RUNX1: variants seen among roughly 807,000 people sequenced by gnomAD.
The protein encoded by RUNX1 is runt-related transcription factor 1.
RUNX1 carries 19 observed loss-of-function variants against 42.8 expected under a neutral mutation model. The ratio of observed to expected loss-of-function variants is 0.44; its 90% CI spans 0.31 to 0.65. The LOEUF is 0.65. RUNX1 is among the 30% of genes least tolerant of loss of function. The probability of loss-of-function intolerance (pLI) is 0.07; values close to 1 mark genes in which losing one functional copy is unlikely to be tolerated. For missense variants in RUNX1, 528 were observed against 672.0 expected, an observed-to-expected ratio of 0.79 and a Z score of 2.37; for synonymous variants, 271 against 289.4, an observed-to-expected ratio of 0.94 and a Z score of 0.64.
chr21:34,971,689 C>T (rs2058764757), intron 2 of RUNX1, among the ~76,000 whole-genome samples: 1 of 152,104 alleles, frequency 6.6e-6, no homozygotes. Context: ...CCTAACTACA[C>T]CAGAAGGTAG....
chr21:34,808,731 A>G (rs1199661966), intron 7 of RUNX1, among the ~76,000 whole-genome samples: 1 of 152,158 alleles, frequency 6.6e-6, no homozygotes, highest in African/African-American at 2.4e-5. Context: ...CCCAGGGGAA[A>G]CAGTTCACCC....
chr21:34,791,633 G>A lies in RUNX1; in HGVS notation c.*502C>T, dbSNP rs2056435971. ...CAAATACGCATTTTGCAATTGATAA[G>A]GTGCGGAAAAATTAAAAATAAGAAT... is the stretch of plus-strand genomic sequence containing the variant. On this transcript the variant is annotated 3_prime_UTR_variant, in exon 9 of 9. Transcript: ENST00000675419. The A allele has an allele frequency of 4.3e-6, 1 of 230,742 alleles. No individual in the cohort carries two copies. The highest frequency in any genetic ancestry group is 8.6e-6 in the Non-Finnish European group (1 of 116,364). The allele number at this position is 230,742 out of a possible 1,614,324, so 14.3% of individuals were successfully genotyped here.
At chr21:34,909,958 C>T (rs898529817) in intron 2 of RUNX1, among the ~76,000 whole-genome samples, 11 of 152,148 alleles carry the variant, frequency 7.2e-5, no homozygotes, top group Non-Finnish European at 7.3e-5. Flanking sequence ...TCTTCTTCAA[C>T]TATTATCTAC....
chr21:34,815,025 G>A (rs1343710368), intron 7 of RUNX1, among the ~76,000 whole-genome samples: 2 of 150,988 alleles, frequency 1.3e-5, no homozygotes, highest in African/African-American at 4.9e-5. Flanking sequence ...AACTTCTTTG[G>A]AAATGAACAA....
chr21:34,964,008 A>T (rs912743742), intron 2 of RUNX1, among the ~76,000 whole-genome samples: 4 of 152,176 alleles, frequency 2.6e-5, no homozygotes, highest in Non-Finnish European at 4.4e-5. Context: ...TCATTCATTC[A>T]TTCCAGGTTT....
chr21:34,865,279 C>CGCGT (rs1257203438), intron 5 of RUNX1, among the ~76,000 whole-genome samples: 1 of 132,380 alleles, frequency 7.6e-6, no homozygotes, highest in Non-Finnish European at 1.6e-5. Flanking sequence ...GGGTTTTGTG[C>CGCGT]GTGTGTGTGT....
intron 2 of RUNX1, among the ~76,000 whole-genome samples, chr21:34,903,693 T>A (rs2058195284): frequency 6.6e-6 from 1 of 152,184 alleles, no homozygotes; most frequent in African/African-American, 2.4e-5. Flanking sequence ...CTTAGAGTAT[T>A]CTATAGGCAC....
chr21:35,024,204 C>G (rs2059219731), intron 2 of RUNX1, among the ~76,000 whole-genome samples: 1 of 152,104 alleles, frequency 6.6e-6, no homozygotes, highest in Non-Finnish European at 1.5e-5. Flanking sequence ...TCTTCCCCTT[C>G]CATATTCTCT....
chr21:34,825,019 A>G (rs1461716294), intron 7 of RUNX1, among the ~76,000 whole-genome samples: 1 of 152,212 alleles, frequency 6.6e-6, no homozygotes, highest in Non-Finnish European at 1.5e-5. Flanking sequence ...GACTACAGTA[A>G]AAGTTTCTTT....
At chr21:35,038,347 T>C (rs2059325638) in intron 2 of RUNX1, 4 of 334,338 alleles carry the variant, frequency 1.2e-5, no homozygotes, top group Non-Finnish European at 2.4e-5. Flanking sequence ...CCCCTGGTGA[T>C]AAAGAAAACA....
At position 34,947,170 on chromosome 21, in the gene RUNX1, G is replaced by A. The variant is rs117928931; in HGVS notation, c.59-54207C>T. ...GGATTATAAGATGTTTGAGTCTGGA[G>A]ACTAAATTTTATTTATTATTATAAT... is the stretch of plus-strand genomic sequence containing the variant. On this transcript the variant is annotated intron_variant, in intron 2 of 8. Transcript: ENST00000675419. Among the ~76,000 whole-genome samples the A allele has an allele frequency of 5.1e-3, 770 of 152,306 alleles. 6 individuals carry two copies. The highest frequency in any genetic ancestry group is 0.031 in the South Asian group (150 of 4,832).
chr21:34,928,679 TAAA>T (rs11389057), intron 2 of RUNX1, among the ~76,000 whole-genome samples: 1 of 140,626 alleles, frequency 7.1e-6, no homozygotes. Flanking sequence ...GACTCCATCT[TAAA>T]AAAAAAAAAA....
At chr21:34,887,257 G>GGGGGGGGGGGGGT (rs2058010965) in intron 3 of RUNX1, 161 bp from the exon 4 acceptor site, 7 of 1,309,474 alleles carry the variant, frequency 5.3e-6, no homozygotes, top group Admixed American at 2.9e-5. Flanking sequence ...GGGGGCGGGG[G>GGGGGGGGGGGGGT]TGGTTAGGGG....
At chr21:34,874,732 C>A (rs1376173225) in intron 5 of RUNX1, among the ~76,000 whole-genome samples, 1 of 151,452 alleles carries the variant, frequency 6.6e-6, no homozygotes, top group Non-Finnish European at 1.5e-5. Flanking sequence ...CTTTAGCCAA[C>A]CTTCTCCACC....
rs552843648 is a variant in RUNX1, at chr21:35,045,556, A to G, written c.58+3286T>C. ...CACACAGAGGGATAACCATGTGATG[A>G]AACAGGGAGAAGGGAGCTGTCTGCA... On this transcript the variant is annotated intron_variant, in intron 2 of 8. Transcript: ENST00000675419. 2.4e-4 allele frequency among the ~76,000 whole-genome samples: 36 copies of G among 152,298 alleles called. No homozygotes were observed. The East Asian group carries it at 3.1e-3, about 13-fold the overall frequency.
intron 2 of RUNX1, among the ~76,000 whole-genome samples, chr21:34,988,283 C>A (rs554934735): frequency 2.0e-5 from 3 of 152,110 alleles, no homozygotes; most frequent in Admixed American, 2.0e-4. Flanking sequence ...TGGACACAGC[C>A]GGGGGAAACA....
intron 2 of RUNX1, among the ~76,000 whole-genome samples, chr21:34,990,837 C>T (rs1008534374): frequency 6.6e-6 from 1 of 152,182 alleles, no homozygotes; most frequent in Non-Finnish European, 1.5e-5. Context: ...GTGATCCACC[C>T]GCCTCGGCCT....
At chr21:34,965,790 C>T (rs11700785) in intron 2 of RUNX1, among the ~76,000 whole-genome samples, 8,846 of 152,196 alleles carry the variant, frequency 0.058, 298 homozygotes, top group Middle Eastern at 0.11. Context: ...AGGGCATTTC[C>T]GAATCAAGTA....
chr21:34,867,498 C>T lies in RUNX1; in HGVS notation c.509-7920G>A, dbSNP rs190607511. On this transcript the variant is annotated intron_variant, in intron 5 of 8. Coordinates refer to ENST00000675419, the MANE Select transcript of RUNX1 (RefSeq NM_001754.5). Reference sequence around the variant, plus strand: ...TTTGACAGCCAGTCCTTTACAACGTCGAATTTCACTTGGAAGGCATAGCTT... The same window carrying T: ...TTTGACAGCCAGTCCTTTACAACGTTGAATTTCACTTGGAAGGCATAGCTT... Among the ~76,000 whole-genome samples, 10 of 152,202 alleles carry T rather than the reference C, an allele frequency of 6.6e-5. No homozygotes were observed. The East Asian group carries it at 1.7e-3, about 26-fold the overall frequency.
Sources: allele counts gnomAD v4.1 joint callset (sites outside exome capture counted in the v4.1 genomes callset), GRCh38; gene constraint gnomAD v4.1.1; transcripts MANE v1.5; gene names NCBI Gene and HGNC (gene_info 2026-07-23, HGNC 2026-07-21).